Variants in BIRC6 observed in about 807,000 individuals in gnomAD.
BIRC6 encodes baculoviral IAP repeat containing 6.
BIRC6 carries 98 observed loss-of-function variants against 503.3 expected under a neutral mutation model. The ratio of observed to expected loss-of-function variants is 0.19; its 90% confidence interval spans 0.17 to 0.23. The LOEUF is 0.23. BIRC6 is among the 10% of genes least tolerant of loss of function. The pLI is 1.00. For synonymous variants in BIRC6, 2,240 were observed against 2,078.7 expected, an observed-to-expected ratio of 1.08 and a Z score of -2.11; for missense variants, 5,360 against 5,806.0, an observed-to-expected ratio of 0.92 and a Z score of 2.50.
In BIRC6 at chr2:32,501,752, A is replaced by G. The variant is rs971914992; in HGVS notation, c.9071A>G (p.His3024Arg). 1 of 1,612,750 alleles carries G rather than the reference A, an allele frequency of 6.2e-7. No individual in the cohort carries two copies. Among genetic ancestry groups the G allele is most frequent in the Admixed American group, 1.7e-5 (1 of 59,602 alleles). ...CATCTCACTAAACATGAAAACTTTCATGGTGGGTTGGATGCCATATCAGTT... is the reference window on the plus strand; with the variant it reads ...CATCTCACTAAACATGAAAACTTTCGTGGTGGGTTGGATGCCATATCAGTT... ...GLHLTKHENFHGGLDAISVGD... is the reference protein window; with the variant it reads ...GLHLTKHENFRGGLDAISVGD... The change falls in exon 47 of 74, where the codon CAT (histidine) becomes CGT (arginine). Residue 3024 changes from histidine to arginine, a missense_variant. Physicochemically the swap from His to Arg is conservative, Grantham distance 29. Coordinates refer to ENST00000421745, the MANE Select transcript of BIRC6 (RefSeq NM_016252.4).
intron 57 of BIRC6, among the ~76,000 whole-genome samples, chr2:32,519,772 C>T (rs936508378): frequency 6.6e-6 from 1 of 152,186 alleles, no homozygotes; most frequent in African/African-American, 2.4e-5. Flanking sequence ...CCCACCTCGG[C>T]CTCCCAAATT....
intron 10 of BIRC6, among the ~76,000 whole-genome samples, chr2:32,421,776 T>A (rs1234049698): frequency 6.6e-6 from 1 of 152,238 alleles, no homozygotes; most frequent in African/African-American, 2.4e-5. Context: ...TGGAGAATGT[T>A]CTGTGTGCAC....
At chr2:32,475,014 G>T (rs1023186933) in intron 33 of BIRC6, among the ~76,000 whole-genome samples, 1 of 151,658 alleles carries the variant, frequency 6.6e-6, no homozygotes, top group East Asian at 1.9e-4. Flanking sequence ...GTTCAAGACC[G>T]GCCTGGCCAA....
intron 65 of BIRC6, among the ~76,000 whole-genome samples, chr2:32,568,836 C>T (rs1407555925): frequency 2.7e-5 from 4 of 150,770 alleles, no homozygotes. Flanking sequence ...AGGAGCGAAA[C>T]TCAGTCTCAA....
intron 16 of BIRC6, among the ~76,000 whole-genome samples, chr2:32,441,097 C>G (rs2045383298): frequency 6.6e-6 from 1 of 152,064 alleles, no homozygotes; most frequent in South Asian, 2.1e-4. Context: ...CATCTGTAAT[C>G]ATTGGGTTAT....
At chr2:32,401,938 G>C (rs1402154467) in intron 8 of BIRC6, among the ~76,000 whole-genome samples, 1 of 152,174 alleles carries the variant, frequency 6.6e-6, no homozygotes, top group Non-Finnish European at 1.5e-5. Context: ...TTCTATTGTA[G>C]TTTCACCTTC....
intron 45 of BIRC6, among the ~76,000 whole-genome samples, 160 bp downstream of exon 45, chr2:32,493,827 TTTCCA>T (rs2052067595): frequency 6.6e-6 from 1 of 152,224 alleles, no homozygotes; most frequent in South Asian, 2.1e-4. Flanking sequence ...TTCCTGATTG[TTTCCA>T]TTTCATTTCA....
chr2:32,529,457 T>G (rs1489625542), intron 59 of BIRC6, 194 bp from the exon 60 acceptor site: 3 of 486,772 alleles, frequency 6.2e-6, no homozygotes, highest in Non-Finnish European at 1.1e-5. Context: ...TCACAGACAT[T>G]ATTGTTCATT....
chr2:32,556,678 G>A (rs2150555118), intron 65 of BIRC6, among the ~76,000 whole-genome samples: 1 of 152,274 alleles, frequency 6.6e-6, no homozygotes, highest in African/African-American at 2.4e-5. Context: ...GCCAGGCTCG[G>A]TGGCTCAAGC....
Position 32,429,190 on chromosome 2 carries a change from A to G in BIRC6, c.2917A>G (p.Ile973Val). The G allele has an allele frequency of 6.3e-7, 1 of 1,590,546 alleles. No individual in the cohort carries two copies. The change falls in exon 11 of 74, where the codon ATT becomes GTT. Residue 973 changes from isoleucine (I) to valine (V), a missense_variant. Ile to Val is a conservative substitution (Grantham distance 29). This residue lies in a region of BIRC6 where 700 missense variants were observed against 739.3 expected (regional missense o/e 0.95). Coordinates refer to ENST00000421745, the MANE Select transcript of BIRC6 (RefSeq NM_016252.4). The stretch of plus-strand genomic sequence containing the variant: ...CCAAATTGGAGGAACCTGTGATGAT[A>G]TTGATGAAGCTGATATACTAGTGGA... ...FLQIGGTCDD[I>V]DEADILVDGS...
chr2:32,517,978 T>C (rs769238170), intron 55 of BIRC6, among the ~76,000 whole-genome samples: 45 of 152,160 alleles, frequency 3.0e-4, no homozygotes, highest in Non-Finnish European at 1.6e-4. Flanking sequence ...GTATTCATTA[T>C]GTGCAAACCG....
At chr2:32,501,409 A>G (rs1025572892) in intron 46 of BIRC6, among the ~76,000 whole-genome samples, 1 of 152,262 alleles carries the variant, frequency 6.6e-6, no homozygotes, top group Non-Finnish European at 1.5e-5. Flanking sequence ...GAAGATAGCC[A>G]TAAACCGTGC....
chr2:32,367,653 T>G (rs1281425747), intron 1 of BIRC6, among the ~76,000 whole-genome samples: 3 of 151,412 alleles, frequency 2.0e-5, no homozygotes, highest in Admixed American at 2.0e-4. Context: ...CCGTCTCTAC[T>G]AAAAATACAA....
chr2:32,566,591 C>T (rs886503516), intron 65 of BIRC6, among the ~76,000 whole-genome samples: 19 of 152,006 alleles, frequency 1.2e-4, no homozygotes, highest in Admixed American at 7.9e-4. Context: ...TGGGCTCTAG[C>T]GATGCTTCTG....
At chr2:32,532,589 A>G (rs1258078811) in intron 61 of BIRC6, among the ~76,000 whole-genome samples, 3 of 152,202 alleles carry the variant, frequency 2.0e-5, no homozygotes, top group Non-Finnish European at 4.4e-5. Flanking sequence ...AAATAAGGTC[A>G]TCTTCATAGG....
intron 65 of BIRC6, among the ~76,000 whole-genome samples, chr2:32,571,618 C>T (rs1390523632): frequency 4.0e-5 from 6 of 151,512 alleles, no homozygotes; most frequent in South Asian, 4.2e-4. Flanking sequence ...ATTTCTGATT[C>T]TGTTTATTTG....
rs2035997115 is a variant in BIRC6, at chr2:32,371,791, C to T, written c.326-5797C>T. Among the ~76,000 whole-genome samples, 4 of 151,850 alleles carry T rather than the reference C, an allele frequency of 2.6e-5. No individual in the cohort carries two copies. In the South Asian group the frequency reaches 8.3e-4, roughly 32 times the overall value. On this transcript the variant is annotated intron_variant, in intron 1 of 73. Coordinates refer to ENST00000421745, the MANE Select transcript of BIRC6 (RefSeq NM_016252.4). ...TTAATAGGCTATTGCTCCATGTGTA[C>T]ATGTTTATTCTTTTTTTGTTTGTTT...
rs537939611 is a variant in BIRC6, at chr2:32,529,300, T to C, written c.11921-351T>C. ...CCATAGCTGCTTCTCTGCTACAATG[T>C]AGATTAGCAGTTGTAACAGAGACTA... On this transcript the variant is annotated intron_variant, in intron 59 of 73. Transcript: ENST00000421745. 22 of 184,436 alleles carry C rather than the reference T, an allele frequency of 1.2e-4. No individual in the cohort carries two copies. In the South Asian group the frequency reaches 2.4e-3, roughly 20 times the overall value. 11.4% of individuals were successfully genotyped at this position (184,436 alleles called of 1,614,324 possible).
At chr2:32,469,860 T>C (rs1275247997) in intron 30 of BIRC6, among the ~76,000 whole-genome samples, 1 of 152,220 alleles carries the variant, frequency 6.6e-6, no homozygotes, top group Non-Finnish European at 1.5e-5. Context: ...TGTTTATAAG[T>C]ATTTCTATTA....
Sources: gnomAD v4.1 joint callset for allele counts (sites outside exome capture counted in the v4.1 genomes callset) on GRCh38, gnomAD v4.1.1 for gene constraint, gnomAD v4.1.1 regional missense constraint, MANE v1.5 for transcripts, NCBI Gene and HGNC (gene_info 2026-07-23, HGNC 2026-07-21) for gene names.